Variants in CSMD1 observed in about 807,000 individuals in gnomAD.
The protein encoded by CSMD1 is CUB and Sushi multiple domains 1.
A neutral mutation model predicts 417.5 loss-of-function variants in CSMD1; 213 were observed. That is an observed-to-expected ratio of 0.51 (90% CI 0.46 to 0.57). The LOEUF (loss-of-function observed/expected upper bound fraction) is 0.57. Among genes scored for constraint, CSMD1 ranks in the 20% least tolerant of loss-of-function variants. The pLI, the probability that CSMD1 is intolerant of heterozygous loss-of-function variation, is 0.00. For missense variants in CSMD1, 6,923 were observed against 4,529.7 expected, an observed-to-expected ratio of 1.53 and a Z score of -15.17; for synonymous variants, 2,862 against 1,736.8, an observed-to-expected ratio of 1.65 and a Z score of -16.11.
chr8:4,369,035 G>A (rs1026416753), intron 3 of CSMD1, among the ~76,000 whole-genome samples: 8 of 152,018 alleles, frequency 5.3e-5, no homozygotes, highest in African/African-American at 1.2e-4. Flanking sequence ...TAGGTTTGAT[G>A]TTAGGTTGCT....
chr8:3,863,165 A>C (rs1804835054), intron 5 of CSMD1, among the ~76,000 whole-genome samples: 1 of 152,200 alleles, frequency 6.6e-6, no homozygotes, highest in South Asian at 2.1e-4. Context: ...TGGGAGGCCA[A>C]GTCAAGGGAT....
Position 4,637,504 on chromosome 8 carries a change from C to A in CSMD1, c.140G>T (p.Gly47Val). Residue 47 changes from glycine to valine, a missense_variant, in exon 2 of 70, where the codon GGG (glycine) becomes GTG (valine). Physicochemically the swap from Gly to Val is moderately radical, Grantham distance 109 (BLOSUM62 -3). Transcript: ENST00000635120. Reference sequence around the variant, plus strand: ...ATAGTTCGGATACCCGTGAGGAAACCCTGGGCTCTCAATAGTGCCATTGGG... The same window carrying A: ...ATAGTTCGGATACCCGTGAGGAAACACTGGGCTCTCAATAGTGCCATTGGG... ...QGPNGTIESP[G>V]FPHGYPNYAN... 1 of 1,613,858 alleles carries A rather than the reference C, an allele frequency of 6.2e-7. No homozygotes were observed. Among genetic ancestry groups the A allele is most frequent in the Non-Finnish European group, 8.5e-7 (1 of 1,179,870 alleles).
intron 21 of CSMD1, among the ~76,000 whole-genome samples, chr8:3,351,404 A>T (rs1024890860): frequency 3.9e-5 from 6 of 151,988 alleles, no homozygotes; most frequent in African/African-American, 1.4e-4. Flanking sequence ...TGAGGTCAGG[A>T]GTTGAAGACC....
chr8:3,652,401 G>A (rs1008878277), intron 7 of CSMD1, among the ~76,000 whole-genome samples: 1 of 152,172 alleles, frequency 6.6e-6, no homozygotes, highest in Non-Finnish European at 1.5e-5. Flanking sequence ...CAAATACGTT[G>A]ACTTGTTTGT....
chr8:4,326,346 G>T (rs1585237472), intron 3 of CSMD1, among the ~76,000 whole-genome samples: 1 of 152,254 alleles, frequency 6.6e-6, no homozygotes, highest in East Asian at 1.9e-4. Context: ...TTTCAGACAT[G>T]GGGCAACCTG....
At chr8:3,777,277 G>A (rs890825893) in intron 5 of CSMD1, among the ~76,000 whole-genome samples, 2 of 151,986 alleles carry the variant, frequency 1.3e-5, no homozygotes, top group Non-Finnish European at 2.9e-5. Context: ...TCTGCTTGGT[G>A]CACAGTCCAC....
rs375422909 is a variant in CSMD1, at chr8:3,942,871, G to A, written c.818+55032C>T. Among the ~76,000 whole-genome samples the A allele has an allele frequency of 2.0e-5, 3 of 152,232 alleles. No individual in the cohort carries two copies. In the East Asian group the frequency reaches 5.8e-4, roughly 29 times the overall value. ...TCGTCCCACAAATTGATGTGATAAT[G>A]TCATAAAATCAAATGAATACATCAT... On this transcript the variant is annotated intron_variant, in intron 5 of 69. Coordinates refer to ENST00000635120, the MANE Select transcript of CSMD1 (RefSeq NM_033225.6).
At chr8:3,127,938 A>AGGAAGGAAGGGAGGGAG (rs1563069442) in intron 41 of CSMD1, 9 of 123,134 alleles carry the variant, frequency 7.3e-5, no homozygotes, top group African/African-American at 2.9e-4. Flanking sequence ...AAGGAAGGGA[A>AGGAAGGAAGGGAGGGAG]GGAAAGAAGG....
intron 5 of CSMD1, among the ~76,000 whole-genome samples, chr8:3,946,747 C>G (rs772734564): frequency 6.6e-6 from 1 of 152,064 alleles, no homozygotes; most frequent in African/African-American, 2.4e-5. Context: ...TTTCTCTCAG[C>G]TATGTTTTAC....
In CSMD1 at chr8:3,243,628, G is replaced by C. The variant is rs571443070; in HGVS notation, c.4154-13397C>G. On this transcript the variant is annotated intron_variant, in intron 26 of 69. Transcript: ENST00000635120. ...CTTCTTTTGTGGTGGAATGTCATCAGTTAAGGCAGGAACTGGCCATCTGGA... is the reference window on the plus strand; with the variant it reads ...CTTCTTTTGTGGTGGAATGTCATCACTTAAGGCAGGAACTGGCCATCTGGA... 1.2e-4 allele frequency among the ~76,000 whole-genome samples: 19 copies of C among 152,198 alleles called. No homozygotes were observed. The East Asian group carries it at 3.5e-3, about 28-fold the overall frequency.
At chr8:4,146,705 G>T (rs148885811) in intron 3 of CSMD1, among the ~76,000 whole-genome samples, 5,845 of 132,286 alleles carry the variant, frequency 0.044, 196 homozygotes, top group Admixed American at 0.067. Context: ...TCCACCTCCC[G>T]AGTTCACGCC....
At chr8:3,844,844 G>C (rs550566732) in intron 5 of CSMD1, among the ~76,000 whole-genome samples, 2 of 152,070 alleles carry the variant, frequency 1.3e-5, no homozygotes, top group East Asian at 3.9e-4. Flanking sequence ...TCTTTTGAAG[G>C]GAAAAATGTC....
intron 37 of CSMD1, among the ~76,000 whole-genome samples, chr8:3,173,783 A>G (rs901299289): frequency 1.3e-5 from 2 of 152,216 alleles, no homozygotes; most frequent in Non-Finnish European, 2.9e-5. Context: ...AATTCCAATT[A>G]AGAACTCTCC....
rs1048316469 is a variant in CSMD1, at chr8:3,342,838, A to C, written c.3631+456T>G. Among the ~76,000 whole-genome samples the C allele has an allele frequency of 9.5e-5, 14 of 147,720 alleles. No homozygotes were observed. In the East Asian group the frequency reaches 2.8e-3, roughly 29 times the overall value. On this transcript the variant is annotated intron_variant, in intron 23 of 69. Coordinates refer to ENST00000635120, the MANE Select transcript of CSMD1 (RefSeq NM_033225.6). ...GAAAATAGTTTACTACATATTATGTAGTTGTTGTGTGTGTGTGTGCTTATA... is the reference window on the plus strand; with the variant it reads ...GAAAATAGTTTACTACATATTATGTCGTTGTTGTGTGTGTGTGTGCTTATA...
chr8:4,721,638 A>G lies in CSMD1; in HGVS notation c.86-84080T>C, dbSNP rs1266672733. Among the ~76,000 whole-genome samples the G allele has an allele frequency of 2.0e-5, 3 of 152,318 alleles. No individual in the cohort carries two copies. The South Asian group carries it at 6.2e-4, about 32-fold the overall frequency. Reference sequence around the variant, plus strand: ...ATAGATTGGTATAGCCAATAATGGAAGAGTATGGAGGTTCCTCAAAAAATT... The same window carrying G: ...ATAGATTGGTATAGCCAATAATGGAGGAGTATGGAGGTTCCTCAAAAAATT... On this transcript the variant is annotated intron_variant, in intron 1 of 69. Transcript: ENST00000635120.
chr8:3,244,397 G>A (rs1443666991), intron 26 of CSMD1, among the ~76,000 whole-genome samples: 1 of 152,116 alleles, frequency 6.6e-6, no homozygotes, highest in South Asian at 2.1e-4. Flanking sequence ...ACCCTGGAGA[G>A]CAATCTGCTT....
rs888587022 is a variant in CSMD1 at position 2,935,645 on chromosome 8, T to C, written c.*2940A>G. 5.3e-5 allele frequency: 8 copies of C among 152,198 alleles called. No homozygotes were observed. The highest frequency in any genetic ancestry group is 1.9e-4 in the African/African-American group (8 of 41,458). The allele number at this position is 152,198 out of a possible 1,614,324, so 9.4% of individuals were successfully genotyped here. A position where few individuals can be genotyped will look rare whatever the true frequency, so the allele number is the denominator to read the frequency against. On this transcript the variant is annotated 3_prime_UTR_variant, in exon 70 of 70. Transcript: ENST00000635120. ...AAAATTACAGCATATTTAATAATTT[T>C]ACAAATTCTTCATAAAAAATATATC...
intron 1 of CSMD1, among the ~76,000 whole-genome samples, chr8:4,905,187 G>C (rs1166702448): frequency 6.6e-6 from 1 of 151,972 alleles, no homozygotes; most frequent in South Asian, 2.1e-4. Flanking sequence ...GAAAAAAAAA[G>C]TTATATTTGA....
chr8:3,826,290 G>A (rs778919112), intron 5 of CSMD1, among the ~76,000 whole-genome samples: 2 of 152,010 alleles, frequency 1.3e-5, no homozygotes, highest in African/African-American at 2.4e-5. Context: ...CCAGGGTAAT[G>A]AAGGAGGTTG....
Sources: gnomAD v4.1 joint callset for allele counts (sites outside exome capture counted in the v4.1 genomes callset) on GRCh38, gnomAD v4.1.1 for gene constraint, MANE v1.5 for transcripts, NCBI Gene and HGNC (gene_info 2026-07-23, HGNC 2026-07-21) for gene names.